The following CTNNA1 variants were observed in gnomAD, a reference collection of about 807,000 sequenced individuals.
CTNNA1 encodes catenin alpha-1.
Under a neutral mutation model 98.4 loss-of-function variants are expected in CTNNA1, and 37 were observed. The observed-to-expected ratio is 0.38, with a 90% CI of 0.29 to 0.49. The LOEUF (loss-of-function observed/expected upper bound fraction) is 0.49, where lower values mean the gene tolerates loss of function less well. CTNNA1 is among the 20% of genes least tolerant of loss of function. The probability of loss-of-function intolerance (pLI) is 0.95; values close to 1 mark genes in which losing one functional copy is unlikely to be tolerated. For synonymous variants in CTNNA1, 404 were observed against 413.2 expected (o/e 0.98, Z 0.27); for missense variants, 761 against 1,147.2 (o/e 0.66, Z 4.86).
intron 9 of CTNNA1, among the ~76,000 whole-genome samples, chr5:138,890,401 T>A (rs1470272806): frequency 6.6e-6 from 1 of 152,230 alleles, no homozygotes; most frequent in Non-Finnish European, 1.5e-5. Context: ...CCAGGCCACC[T>A]GTACTTCTGA....
chr5:138,909,893 G>A (rs2150177457), intron 10 of CTNNA1, among the ~76,000 whole-genome samples: 1 of 152,274 alleles, frequency 6.6e-6, no homozygotes, highest in African/African-American at 2.4e-5. Context: ...ATACAGGACG[G>A]GGCAGACCTG....
At chr5:138,855,483 C>T (rs917514676) in intron 7 of CTNNA1, among the ~76,000 whole-genome samples, 2 of 152,206 alleles carry the variant, frequency 1.3e-5, no homozygotes, top group Non-Finnish European at 2.9e-5. Flanking sequence ...TCAGTTCATA[C>T]TGGGTTAAAC....
intron 2 of CTNNA1, chr5:138,782,483 G>T: frequency 3.5e-6 from 1 of 288,258 alleles, no homozygotes; most frequent in Non-Finnish European, 6.9e-6. Flanking sequence ...TTAGCAACTA[G>T]CTGTGTACTT....
chr5:138,822,703 T>C (rs1376549630), intron 5 of CTNNA1, among the ~76,000 whole-genome samples: 15 of 152,212 alleles, frequency 9.9e-5, no homozygotes, highest in Admixed American at 9.8e-4. Context: ...TTTGAATATT[T>C]AGCCTAATGT....
chr5:138,780,924 A>C (rs1755020311), intron 1 of CTNNA1, among the ~76,000 whole-genome samples: 1 of 143,408 alleles, frequency 7.0e-6, no homozygotes, highest in African/African-American at 2.6e-5. Context: ...AATTGAAGGC[A>C]CTACTTTTAG....
At chr5:138,766,415 C>CA (rs1752943307) in intron 1 of CTNNA1, among the ~76,000 whole-genome samples, 1 of 149,448 alleles carries the variant, frequency 6.7e-6, no homozygotes, top group East Asian at 2.0e-4. Flanking sequence ...TTTTTGGCTT[C>CA]ATCCTGTATG....
At chr5:138,880,724 G>T (rs1752700645) in intron 7 of CTNNA1, 1 of 263,868 alleles carries the variant, frequency 3.8e-6, no homozygotes, top group Non-Finnish European at 7.5e-6. Flanking sequence ...GCACAGGATA[G>T]AATTAAGAGG....
chr5:138,766,451 GTTTTTT>G (rs5871680), intron 1 of CTNNA1, among the ~76,000 whole-genome samples: 1 of 137,414 alleles, frequency 7.3e-6, no homozygotes, highest in Non-Finnish European at 1.5e-5. Context: ...ACCATGTTTT[GTTTTTT>G]TTTTTTTTTC....
intron 10 of CTNNA1, among the ~76,000 whole-genome samples, chr5:138,912,703 C>T (rs1760910307): frequency 6.6e-6 from 1 of 152,144 alleles, no homozygotes; most frequent in South Asian, 2.1e-4. Context: ...AGTGATCGTG[C>T]CTAGTTGGGG....
At chr5:138,772,294 A>T (rs1037909286) in intron 1 of CTNNA1, among the ~76,000 whole-genome samples, 2 of 152,334 alleles carry the variant, frequency 1.3e-5, no homozygotes, top group African/African-American at 4.8e-5. Flanking sequence ...AGTACAGTTT[A>T]ACTGTTTATT....
At chr5:138,864,407 C>G (rs1764551959) in intron 7 of CTNNA1, among the ~76,000 whole-genome samples, 1 of 152,124 alleles carries the variant, frequency 6.6e-6, no homozygotes, top group African/African-American at 2.4e-5. Context: ...AAAAAGCAAG[C>G]TAGGAAACAG....
chr5:138,820,082 A>G (rs989777493), intron 5 of CTNNA1, among the ~76,000 whole-genome samples: 9 of 124,238 alleles, frequency 7.2e-5, no homozygotes, highest in African/African-American at 2.5e-4. Context: ...CTGCAGAACC[A>G]TGAGCCAATT....
chr5:138,791,787 CTTTTTTTTTTT>C (rs1168548486), intron 3 of CTNNA1, among the ~76,000 whole-genome samples: 1 of 92,264 alleles, frequency 1.1e-5, no homozygotes, highest in Non-Finnish European at 2.0e-5. Context: ...GTTTTCTCAG[CTTTTTTTTTTT>C]TTTTTTTTTA....
rs756271500 is a variant in CTNNA1, at chr5:138,824,796, T to A, written c.855T>A (p.Phe285Leu). 1 of 1,610,436 alleles carries A rather than the reference T, an allele frequency of 6.2e-7. No individual in the cohort carries two copies. The highest frequency in any genetic ancestry group is 1.1e-5 in the South Asian group (1 of 91,060). ...AACTGGCATATGCACTCAATAACTT[T>A]GACGTAAGTTATGCTTGGGTGGAAA... ...GGELAYALNN[F>L]DKQIIVDPLS... Residue 285 changes from phenylalanine (F) to leucine (L), a missense_variant, in exon 6 of 18, where the codon TTT (phenylalanine) becomes TTA (leucine). Coordinates refer to ENST00000302763, the MANE Select transcript of CTNNA1 (RefSeq NM_001903.5).
chr5:138,881,479 A>C (rs976046927), intron 7 of CTNNA1, among the ~76,000 whole-genome samples: 1 of 152,188 alleles, frequency 6.6e-6, no homozygotes, highest in Non-Finnish European at 1.5e-5. Context: ...TTTTAGCCCT[A>C]CTCATGAAGA....
chr5:138,811,737 G>A (rs10071346), intron 4 of CTNNA1, among the ~76,000 whole-genome samples: 3,467 of 152,046 alleles, frequency 0.023, 131 homozygotes, highest in African/African-American at 0.08. Flanking sequence ...CCAACACAGC[G>A]AAACCCCGTC....
intron 7 of CTNNA1, among the ~76,000 whole-genome samples, chr5:138,859,559 A>G (rs1217450938): frequency 6.6e-6 from 1 of 152,138 alleles, no homozygotes; most frequent in Non-Finnish European, 1.5e-5. Flanking sequence ...TGCATCCCCC[A>G]CTTTCCTAAT....
intron 1 of CTNNA1, among the ~76,000 whole-genome samples, chr5:138,769,566 C>CT (rs1408844482): frequency 6.6e-6 from 1 of 151,522 alleles, no homozygotes; most frequent in South Asian, 2.1e-4. Context: ...GAGTTTCGCT[C>CT]TTGTTGCCCA....
At chr5:138,813,879 AG>A (rs1467787975) in intron 5 of CTNNA1, among the ~76,000 whole-genome samples, 1 of 152,158 alleles carries the variant, frequency 6.6e-6, no homozygotes, top group Non-Finnish European at 1.5e-5. Context: ...CTGCCTCCCA[AG>A]GTACTGGGAT....
Sources: allele counts gnomAD v4.1 joint callset (sites outside exome capture counted in the v4.1 genomes callset), GRCh38; gene constraint gnomAD v4.1.1; transcripts MANE v1.5; gene names NCBI Gene and HGNC (gene_info 2026-07-23, HGNC 2026-07-21).